The following MAP7D1 variants were observed in gnomAD, a reference collection of about 807,000 sequenced individuals.
MAP7D1 encodes the protein MAP7 domain-containing protein 1.
MAP7D1 carries 30 observed loss-of-function variants against 97.5 expected under a neutral mutation model. The ratio of observed to expected loss-of-function variants is 0.31; its 90% CI spans 0.23 to 0.42. MAP7D1 has a LOEUF of 0.42. MAP7D1 is among the 10% of genes least tolerant of loss of function. The pLI, the probability that MAP7D1 is intolerant of heterozygous loss-of-function variation, is 1.00. For synonymous variants in MAP7D1, 536 were observed against 477.1 expected, an observed-to-expected ratio of 1.12 and a Z score of -1.61; for missense variants, 1,184 against 1,179.5, an observed-to-expected ratio of 1.00 and a Z score of -0.06.
intron 3 of MAP7D1, 94 bp downstream of exon 3, chr1:36,171,675 G>C (rs904946664): frequency 7.3e-7 from 1 of 1,376,592 alleles, no homozygotes; most frequent in Non-Finnish European, 1.0e-6. Context: ...GCTCACGCCT[G>C]TAATCCCAGC....
intron 12 of MAP7D1, 79 bp from the exon 13 acceptor site, chr1:36,179,183 C>A: frequency 6.4e-7 from 1 of 1,565,158 alleles, no homozygotes; most frequent in Non-Finnish European, 8.8e-7. Flanking sequence ...CCCTAAGACT[C>A]CGAGGCCGGG....
Position 36,178,790 on chromosome 1 carries a change from C to CGAGCAGGAG in MAP7D1, c.2002_2010dup (p.Glu668_Glu670dup), listed in dbSNP as rs1056077426. On this transcript the variant is annotated inframe_insertion, in exon 11 of 17. Coordinates refer to ENST00000474796, the MANE Select transcript of MAP7D1 (RefSeq NM_001388490.1). ...AGGAGGCACGAGAGAAGGCGCAGGCCGAGCAGGAGGAGCAGGAGCGGCTGC... is the reference window on the plus strand; with the variant it reads ...AGGAGGCACGAGAGAAGGCGCAGGCCGAGCAGGAGGAGCAGGAGGAGCAGGAGCGGCTGC... The CGAGCAGGAG allele has an allele frequency of 5.2e-6, 8 of 1,547,244 alleles. No homozygotes were observed. Among genetic ancestry groups the CGAGCAGGAG allele is most frequent in the Non-Finnish European group, 7.0e-6 (8 of 1,145,796 alleles).
rs1644667200 is a variant in MAP7D1 at position 36,178,679 on chromosome 1, C to T, written c.1887-6C>T. The T allele has an allele frequency of 6.5e-7, 1 of 1,529,714 alleles. No homozygotes were observed. The highest frequency in any genetic ancestry group is 8.8e-7 in the Non-Finnish European group (1 of 1,138,572). 94.8% of individuals were successfully genotyped at this position (1,529,714 alleles called of 1,614,324 possible). A position where few individuals can be genotyped will look rare whatever the true frequency, so the allele number is the denominator to read the frequency against. ...CCGAGCCTGAGCCGTTTGCTCCGTCCCCCAGGCGAATGCGAGAGGAGCAGC... is the reference window on the plus strand; with the variant it reads ...CCGAGCCTGAGCCGTTTGCTCCGTCTCCCAGGCGAATGCGAGAGGAGCAGC... On this transcript the variant is annotated splice_polypyrimidine_tract_variant and splice_region_variant and intron_variant, in intron 10 of 16. Transcript: ENST00000474796.
intron 15 of MAP7D1, 31 bp downstream of exon 15, chr1:36,179,787 C>A: frequency 1.3e-6 from 2 of 1,549,618 alleles, no homozygotes; most frequent in South Asian, 1.2e-5. Flanking sequence ...GGTCCCTGAG[C>A]AGGGAGGCAG....
Position 36,171,081 on chromosome 1 carries a change from C to T in MAP7D1, c.157C>T (p.Pro53Ser), listed in dbSNP as rs200983463. The T allele has an allele frequency of 1.9e-6, 3 of 1,610,746 alleles. No individual in the cohort carries two copies. The highest frequency in any genetic ancestry group is 2.5e-6 in the Non-Finnish European group (3 of 1,177,470). The change falls in exon 2 of 17, where the codon CCT becomes TCT. Residue 53 changes from proline (P) to serine (S), a missense_variant. Physicochemically the swap from Pro to Ser is moderately conservative, Grantham distance 74. Transcript: ENST00000474796. ...CCCCGACACTCCCCCGGACACCCCT[C>T]CTGCCATGAAGAATGCCACTAGCTC... ...LVPDTPPDTP[P>S]AMKNATSSKQ...
At chr1:36,163,269 C>T (rs1249394042) in intron 1 of MAP7D1, among the ~76,000 whole-genome samples, 5 of 152,168 alleles carry the variant, frequency 3.3e-5, no homozygotes. Flanking sequence ...TGCTAATGCT[C>T]TTTGTGCCAA....
intron 12 of MAP7D1, 25 bp downstream of exon 12, chr1:36,179,050 G>A (rs1230833399): frequency 9.1e-6 from 14 of 1,545,462 alleles, no homozygotes; most frequent in Admixed American, 2.0e-5. Context: ...GCGGGGATTT[G>A]TGGGCGGGGC....
At chr1:36,179,240 C>T (rs780647916) in intron 12 of MAP7D1, 22 bp from the exon 13 acceptor site, 2 of 1,613,320 alleles carry the variant, frequency 1.2e-6, no homozygotes, top group Non-Finnish European at 1.7e-6. Flanking sequence ...TCGAGCCTAA[C>T]TGATCTGCGG....
At chr1:36,161,481 G>A (rs908046171) in intron 1 of MAP7D1, among the ~76,000 whole-genome samples, 12 of 152,242 alleles carry the variant, frequency 7.9e-5, no homozygotes, top group Admixed American at 7.2e-4. Flanking sequence ...TAGCTGTGGA[G>A]CTTAAGTAAG....
intron 1 of MAP7D1, among the ~76,000 whole-genome samples, chr1:36,161,070 C>A (rs1644402130): frequency 6.6e-6 from 1 of 152,316 alleles, no homozygotes; most frequent in East Asian, 1.9e-4. Flanking sequence ...AGTGGGTGCT[C>A]CTGATTGGAG....
chr1:36,168,430 C>CT (rs1184919526), intron 1 of MAP7D1, among the ~76,000 whole-genome samples: 1 of 152,112 alleles, frequency 6.6e-6, no homozygotes, highest in Non-Finnish European at 1.5e-5. Flanking sequence ...ATTGCGAGGA[C>CT]ACAGGGTGCA....
chr1:36,170,246 G>A (rs751815039), intron 1 of MAP7D1, among the ~76,000 whole-genome samples: 1 of 152,210 alleles, frequency 6.6e-6, no homozygotes, highest in Non-Finnish European at 1.5e-5. Context: ...TCTTTTACAG[G>A]ATTCCTACAA....
chr1:36,176,915 G>A lies in MAP7D1; in HGVS notation c.1379+73G>A, dbSNP rs748299311. 22 of 1,317,512 alleles carry A rather than the reference G, an allele frequency of 1.7e-5. No homozygotes were observed. The highest frequency in any genetic ancestry group is 2.2e-5 in the Admixed American group (1 of 45,686). The allele number at this position is 1,317,512 out of a possible 1,614,324, so 81.6% of individuals were successfully genotyped here. A position where few individuals can be genotyped will look rare whatever the true frequency, so the allele number is the denominator to read the frequency against. ...TTCATCACCCACAAATATTTGTTGG[G>A]CAACCACCTCTAGAATGCAACTTCC... is the stretch of plus-strand genomic sequence containing the variant. On this transcript the variant is annotated intron_variant, in intron 8 of 16. Coordinates refer to ENST00000474796, the MANE Select transcript of MAP7D1 (RefSeq NM_001388490.1). The surrounding 1 kb of genome is among the most constrained non-coding windows in gnomAD (Gnocchi z 6.1).
chr1:36,158,304 A>G (rs1028415755), intron 1 of MAP7D1, among the ~76,000 whole-genome samples: 1 of 152,104 alleles, frequency 6.6e-6, no homozygotes, highest in Admixed American at 6.5e-5. Context: ...AGAATAGTCA[A>G]AGGTGACAGG....
At chr1:36,167,546 C>A (rs1206393862) in intron 1 of MAP7D1, among the ~76,000 whole-genome samples, 2 of 152,148 alleles carry the variant, frequency 1.3e-5, no homozygotes, top group Non-Finnish European at 2.9e-5. Context: ...GCTTACCAAG[C>A]CCCTGCCAGG....
Position 36,159,975 on chromosome 1 carries a change from G to T in MAP7D1, c.46+3512G>T, listed in dbSNP as rs186291184. 9.6e-4 allele frequency among the ~76,000 whole-genome samples: 146 copies of T among 152,316 alleles called. No homozygotes were observed. The highest frequency in any genetic ancestry group is 3.5e-3 in the African/African-American group (145 of 41,568). On this transcript the variant is annotated intron_variant, in intron 1 of 16. Coordinates refer to ENST00000474796, the MANE Select transcript of MAP7D1 (RefSeq NM_001388490.1). The surrounding 1 kb of genome is among the most constrained non-coding windows in gnomAD (Gnocchi z 5.4). ...CACGCATATGCAAATGAGGTGGAAG[G>T]GATACTAGGCCAGCTCAGGTCCCCT...
chr1:36,176,360 C>A lies in MAP7D1; in HGVS notation c.1012C>A (p.Arg338=). 1 of 1,524,078 alleles carries A rather than the reference C, an allele frequency of 6.6e-7. No homozygotes were observed. The highest frequency in any genetic ancestry group is 8.8e-7 in the Non-Finnish European group (1 of 1,139,710). The allele number at this position is 1,524,078 out of a possible 1,614,324, so 94.4% of individuals were successfully genotyped here. A position where few individuals can be genotyped will look rare whatever the true frequency, so the allele number is the denominator to read the frequency against. ...CDPGRGPTWG[R]AGASLARGPQ... is the part of the protein sequence containing the mutation. ...CCCTGGGAGAGGCCCCACGTGGGGC[C>A]GGGCAGGGGCCAGCCTGGCGCGCGG... The change falls in exon 7 of 17, where the codon CGG becomes AGG. Residue 338 remains arginine (R), a synonymous_variant. Coordinates refer to ENST00000474796, the MANE Select transcript of MAP7D1 (RefSeq NM_001388490.1). The surrounding 1 kb of genome is among the most constrained non-coding windows in gnomAD (Gnocchi z 6.1).
intron 3 of MAP7D1, chr1:36,171,934 CA>C (rs10631607): frequency 0.014 from 903 of 62,864 alleles, 3 homozygotes; most frequent in South Asian, 0.068. Flanking sequence ...AACTCCGTCT[CA>C]AAAAAAAAAA....
At position 36,176,829 on chromosome 1, in the gene MAP7D1, G is replaced by T. The variant is rs543521561; in HGVS notation, c.1366G>T (p.Ala456Ser). 1.9e-6 allele frequency: 3 copies of T among 1,599,390 alleles called. No individual in the cohort carries two copies. Among genetic ancestry groups the T allele is most frequent in the Non-Finnish European group, 2.6e-6 (3 of 1,174,108 alleles). Residue 456 changes from alanine (A) to serine (S), a missense_variant, in exon 8 of 17, where the codon GCC (alanine) becomes TCC (serine). Coordinates refer to ENST00000474796, the MANE Select transcript of MAP7D1 (RefSeq NM_001388490.1). The surrounding 1 kb of genome is among the most constrained non-coding windows in gnomAD (Gnocchi z 6.1). ...SPRARLSASTASELSPKSKAR... is the reference protein window; with the variant it reads ...SPRARLSASTSSELSPKSKAR... The stretch of plus-strand genomic sequence containing the variant: ...ACGTGCCCGCCTCTCTGCCAGCACC[G>T]CCTCTGAGCTCAGGTGGGCGCGGGC...
Sources: allele counts gnomAD v4.1 joint callset (sites outside exome capture counted in the v4.1 genomes callset), GRCh38; gene constraint gnomAD v4.1.1; non-coding constraint Gnocchi (gnomAD v3.1); transcripts MANE v1.5; gene names NCBI Gene and HGNC (gene_info 2026-07-23, HGNC 2026-07-21).